The following SLC7A2 variants were observed in gnomAD, a reference collection of about 807,000 sequenced individuals.
SLC7A2 encodes the protein cationic amino acid transporter 2.
In SLC7A2, 48 loss-of-function variants were observed where a neutral mutation model predicts 58.9. The ratio of observed to expected loss-of-function variants is 0.82; its 90% CI spans 0.65 to 1.04. SLC7A2 has a LOEUF of 1.04. SLC7A2 is among the 50% of genes least tolerant of loss of function. The pLI is 0.00. For synonymous variants in SLC7A2, 363 were observed against 314.5 expected (o/e 1.15, Z -1.63); for missense variants, 1,029 against 818.8 (o/e 1.26, Z -3.13).
intron 2 of SLC7A2, chr8:17,538,818 A>C (rs1234211369): frequency 6.2e-7 from 1 of 1,613,590 alleles, no homozygotes; most frequent in Non-Finnish European, 8.5e-7. Context: ...CGAAACTAGC[A>C]ACTGGAATGA....
At chr8:17,543,123 C>T (rs565895470) in intron 2 of SLC7A2, among the ~76,000 whole-genome samples, 195 bp from the exon 3 acceptor site, 3 of 151,952 alleles carry the variant, frequency 2.0e-5, no homozygotes, top group Admixed American at 6.6e-5. Context: ...ACAGGAAATT[C>T]GAGGCTCTGG....
At chr8:17,506,135 T>C (rs1387269515) in intron 2 of SLC7A2, among the ~76,000 whole-genome samples, 1 of 152,212 alleles carries the variant, frequency 6.6e-6, no homozygotes, top group African/African-American at 2.4e-5. Context: ...GAGTAGGACT[T>C]GTGTCTGTAC....
intron 2 of SLC7A2, among the ~76,000 whole-genome samples, chr8:17,508,628 G>A (rs181828645): frequency 6.6e-6 from 1 of 152,074 alleles, no homozygotes; most frequent in African/African-American, 2.4e-5. Flanking sequence ...GGAGGCTGCG[G>A]TATGAGAATC....
rs780167470 is a variant in SLC7A2 at position 17,551,924 on chromosome 8, T to G, written c.993T>G (p.Tyr331Ter). The G allele has an allele frequency of 1.2e-6, 2 of 1,614,044 alleles. No homozygotes were observed. The highest frequency in any genetic ancestry group is 8.5e-7 in the Non-Finnish European group (1 of 1,180,020). ...GCCCCCTTCCTGTAGCGTTTGAATATGTGGGATGGGGTCCTGCCAAATATG... is the reference window on the plus strand; with the variant it reads ...GCCCCCTTCCTGTAGCGTTTGAATAGGTGGGATGGGGTCCTGCCAAATATG... ...EKSPLPVAFE[Y>*]VGWGPAKYVV... is the part of the protein sequence containing the mutation. The change falls in exon 7 of 13, where the codon TAT (tyrosine) becomes TAG (stop). Residue 331 changes from tyrosine (Y) to a stop codon, truncating the protein, a stop_gained. Transcript: ENST00000494857. LOFTEE classifies it high-confidence loss of function.
At chr8:17,496,290 C>A (rs1799956250), upstream of SLC7A2, among the ~76,000 whole-genome samples, 1 of 152,110 alleles carries the variant, frequency 6.6e-6, no homozygotes, top group South Asian at 2.1e-4. Context: ...TCACTGCCCT[C>A]CAGCCTGGGC....
At chr8:17,533,757 C>T (rs1252188127) in intron 2 of SLC7A2, among the ~76,000 whole-genome samples, 3 of 152,238 alleles carry the variant, frequency 2.0e-5, no homozygotes, top group Non-Finnish European at 4.4e-5. Context: ...TTCCCAAGCA[C>T]AGGCTATTTA....
intron 4 of SLC7A2, among the ~76,000 whole-genome samples, chr8:17,545,403 CTTTTTTT>C (rs386412194): frequency 2.3e-4 from 15 of 64,274 alleles, no homozygotes; most frequent in Admixed American, 7.9e-4. Flanking sequence ...TGAACATTTT[CTTTTTTT>C]TTTTTTTTTT....
chr8:17,539,912 G>A (rs1242024319), intron 2 of SLC7A2, among the ~76,000 whole-genome samples: 1 of 152,086 alleles, frequency 6.6e-6, no homozygotes, highest in Non-Finnish European at 1.5e-5. Context: ...GAGTAAGATG[G>A]TCATAACCAT....
chr8:17,509,565 C>A lies in SLC7A2; in HGVS notation c.-23+7263C>A. On this transcript the variant is annotated intron_variant, in intron 2 of 12. Coordinates refer to ENST00000494857, the MANE Select transcript of SLC7A2 (RefSeq NM_001370338.1). Reference sequence around the variant, plus strand: ...AAGTAATCCACCCGCCTTGGCCTCCCAAAGTGCTGGGAAGACAGGCGGGAG... The same window carrying A: ...AAGTAATCCACCCGCCTTGGCCTCCAAAAGTGCTGGGAAGACAGGCGGGAG... Among the ~76,000 whole-genome samples, 2 of 152,098 alleles carry A rather than the reference C, an allele frequency of 1.3e-5. 1 individual carries two copies. The highest frequency in any genetic ancestry group is 1.3e-4 in the Admixed American group (2 of 15,286).
intron 2 of SLC7A2, among the ~76,000 whole-genome samples, chr8:17,536,031 G>A (rs1207777136): frequency 1.3e-5 from 2 of 151,580 alleles, no homozygotes; most frequent in Non-Finnish European, 2.9e-5. Context: ...AATATTCCCG[G>A]TGCTTCCCTC....
At chr8:17,502,094 T>C (rs993327468) in intron 1 of SLC7A2, among the ~76,000 whole-genome samples, 163 bp from the exon 2 acceptor site, 5 of 151,686 alleles carry the variant, frequency 3.3e-5, no homozygotes, top group Non-Finnish European at 7.4e-5. Flanking sequence ...TCCCACCATA[T>C]GTATATATAA....
chr8:17,503,164 C>T (rs968398580), intron 2 of SLC7A2, among the ~76,000 whole-genome samples: 2 of 152,008 alleles, frequency 1.3e-5, no homozygotes, highest in Non-Finnish European at 2.9e-5. Flanking sequence ...CATTCTCCTG[C>T]CTCAGCCTCC....
intron 4 of SLC7A2, 32 bp from the exon 5 acceptor site, chr8:17,548,646 T>C (rs749534739): frequency 1.0e-5 from 16 of 1,546,998 alleles, no homozygotes; most frequent in Non-Finnish European, 1.3e-5. Flanking sequence ...TTCCTAAAGC[T>C]AAATAAAAAT....
chr8:17,558,219 C>G (rs1035252115), intron 8 of SLC7A2, 76 bp from the exon 9 acceptor site: 27 of 909,814 alleles, frequency 3.0e-5, no homozygotes, highest in South Asian at 1.9e-4. Flanking sequence ...TCAGATGTCC[C>G]TGACTTGAAC....
rs1388635824 is a variant in SLC7A2 at position 17,568,276 on chromosome 8, C to T, written c.*3130C>T. On this transcript the variant is annotated 3_prime_UTR_variant, in exon 13 of 13. Coordinates refer to ENST00000494857, the MANE Select transcript of SLC7A2 (RefSeq NM_001370338.1). ...AAAACAATAATTTGTGAATTACCAC[C>T]AAAAGGCAATGGCAGTCCTACATTT... 1 of 151,760 alleles carries T rather than the reference C, an allele frequency of 6.6e-6. No individual in the cohort carries two copies. The highest frequency in any genetic ancestry group is 2.4e-5 in the African/African-American group (1 of 41,322). 9.4% of individuals were successfully genotyped at this position (151,760 alleles called of 1,614,324 possible). A position where few individuals can be genotyped will look rare whatever the true frequency, so the allele number is the denominator to read the frequency against.
intron 2 of SLC7A2, among the ~76,000 whole-genome samples, chr8:17,508,588 G>A (rs1200872709): frequency 1.3e-5 from 2 of 152,132 alleles, no homozygotes; most frequent in Non-Finnish European, 2.9e-5. Flanking sequence ...GCTGGGTGTG[G>A]TGGTGGGCAC....
At chr8:17,531,299 A>G (rs1801441442) in intron 2 of SLC7A2, among the ~76,000 whole-genome samples, 1 of 152,166 alleles carries the variant, frequency 6.6e-6, no homozygotes, top group Admixed American at 6.5e-5. Flanking sequence ...CGTATATTGT[A>G]TGTAATACAA....
upstream of SLC7A2, among the ~76,000 whole-genome samples, chr8:17,494,726 A>G (rs1239907603): frequency 6.6e-6 from 1 of 152,234 alleles, no homozygotes; most frequent in African/African-American, 2.4e-5. Context: ...AAGGTGAGAA[A>G]TAACCAAAGT....
At chr8:17,519,201 G>A (rs1462515067) in intron 2 of SLC7A2, among the ~76,000 whole-genome samples, 1 of 152,174 alleles carries the variant, frequency 6.6e-6, no homozygotes, top group Non-Finnish European at 1.5e-5. Flanking sequence ...CTATAAACTA[G>A]AGATAATAAA....
Sources: gnomAD v4.1 joint callset for allele counts (sites outside exome capture counted in the v4.1 genomes callset) on GRCh38, gnomAD v4.1.1 for gene constraint, MANE v1.5 for transcripts, NCBI Gene and HGNC (gene_info 2026-07-23, HGNC 2026-07-21) for gene names.